Variants in SEC14L1 observed in about 807,000 individuals in gnomAD.
The protein encoded by SEC14L1 is SEC14 like lipid binding 1, also known as SEC14-like protein 1.
In SEC14L1, 48 loss-of-function variants were observed where a neutral mutation model predicts 85.3. That is an observed-to-expected ratio of 0.56 (90% CI 0.45 to 0.72). The LOEUF (loss-of-function observed/expected upper bound fraction) is 0.72, where lower values mean the gene tolerates loss of function less well. Among genes scored for constraint, SEC14L1 ranks in the 30% least tolerant of loss-of-function variants. SEC14L1 has a pLI of 0.00. For synonymous variants in SEC14L1, 391 were observed against 355.5 expected, an observed-to-expected ratio of 1.10 and a Z score of -1.12; for missense variants, 682 against 921.4, an observed-to-expected ratio of 0.74 and a Z score of 3.36.
chr17:77,152,039 G>A (rs184814908), intron 3 of SEC14L1, among the ~76,000 whole-genome samples: 3 of 152,182 alleles, frequency 2.0e-5, no homozygotes, highest in South Asian at 2.1e-4. Context: ...GTAGTGGCAC[G>A]ATTATAGCTC....
intron 3 of SEC14L1, among the ~76,000 whole-genome samples, chr17:77,128,388 GCATTTTATTTTATTTTATTTTATTT>G (rs1972511291): frequency 6.9e-6 from 1 of 145,584 alleles, no homozygotes; most frequent in African/African-American, 2.5e-5. Flanking sequence ...TCACACTTGA[GCATTTTATTTTATTTTATTTTATTT>G]TATTTTATTT....
intron 3 of SEC14L1, among the ~76,000 whole-genome samples, chr17:77,172,392 C>T (rs1160479630): frequency 1.3e-5 from 2 of 152,094 alleles, no homozygotes; most frequent in African/African-American, 4.8e-5. Context: ...GCCCTTTTCC[C>T]TCTCTACTTT....
At chr17:77,152,168 TC>T (rs763351711) in intron 3 of SEC14L1, among the ~76,000 whole-genome samples, 1 of 152,088 alleles carries the variant, frequency 6.6e-6, no homozygotes, top group Non-Finnish European at 1.5e-5. Flanking sequence ...GAAATTATAT[TC>T]CTGTTGCTTA....
chr17:77,133,425 T>C (rs1215312455), intron 3 of SEC14L1, among the ~76,000 whole-genome samples: 1 of 152,236 alleles, frequency 6.6e-6, no homozygotes, highest in Admixed American at 6.5e-5. Context: ...CACTGCGTCC[T>C]GAGGTCAGCT....
intron 3 of SEC14L1, among the ~76,000 whole-genome samples, chr17:77,176,888 A>G (rs1322177392): frequency 1.3e-5 from 2 of 152,084 alleles, no homozygotes; most frequent in Non-Finnish European, 2.9e-5. Context: ...CACCTGGCCA[A>G]TTATGTTATT....
intron 3 of SEC14L1, among the ~76,000 whole-genome samples, chr17:77,158,245 AG>A (rs1208708920): frequency 6.6e-6 from 1 of 152,230 alleles, no homozygotes; most frequent in African/African-American, 2.4e-5. Flanking sequence ...ATCGTTGTGC[AG>A]CCACCACCAC....
chr17:77,102,859 T>G (rs1455194887), intron 3 of SEC14L1, among the ~76,000 whole-genome samples: 1 of 152,094 alleles, frequency 6.6e-6, no homozygotes, highest in Non-Finnish European at 1.5e-5. Flanking sequence ...TGGAGTACAG[T>G]GGTGTGATCA....
intron 3 of SEC14L1, among the ~76,000 whole-genome samples, chr17:77,157,397 C>CA (rs1466999497): frequency 6.6e-6 from 1 of 152,228 alleles, no homozygotes; most frequent in African/African-American, 2.4e-5. Context: ...GTGAGTCCCG[C>CA]AGTCTGTGGC....
chr17:77,128,433 T>A (rs62078285), intron 3 of SEC14L1, among the ~76,000 whole-genome samples: 72 of 31,936 alleles, frequency 2.3e-3, no homozygotes, highest in African/African-American at 3.3e-3. Context: ...TTATTTTATT[T>A]TATTTTATTT....
chr17:77,114,100 G>A (rs1313808282), intron 3 of SEC14L1, among the ~76,000 whole-genome samples: 1 of 152,174 alleles, frequency 6.6e-6, no homozygotes, highest in Non-Finnish European at 1.5e-5. Flanking sequence ...TGAAGGAGGT[G>A]TGGGTGTCAG....
chr17:77,179,577 C>T (rs977091964), intron 3 of SEC14L1, among the ~76,000 whole-genome samples: 4 of 152,182 alleles, frequency 2.6e-5, no homozygotes, highest in African/African-American at 7.2e-5. Context: ...AGTGTATCAT[C>T]AGAACCATGG....
chr17:77,141,468 T>A (rs1973039452), intron 1 of SEC14L1: 1 of 150,710 alleles, frequency 6.6e-6, no homozygotes, highest in South Asian at 2.1e-4. Flanking sequence ...CCCGTGGGGC[T>A]CAGCCGCGCG....
At chr17:77,157,653 G>C (rs1973869729) in intron 3 of SEC14L1, among the ~76,000 whole-genome samples, 1 of 151,814 alleles carries the variant, frequency 6.6e-6, no homozygotes, top group Non-Finnish European at 1.5e-5. Flanking sequence ...TCAGCCTCCT[G>C]AGTAGCTGGG....
intron 3 of SEC14L1, among the ~76,000 whole-genome samples, chr17:77,154,149 T>C (rs946361539): frequency 3.9e-5 from 6 of 152,206 alleles, no homozygotes; most frequent in South Asian, 2.1e-4. Flanking sequence ...TTGTATTTGG[T>C]ATTATAAGTA....
chr17:77,121,444 T>G (rs940017804), intron 3 of SEC14L1, among the ~76,000 whole-genome samples: 4 of 152,134 alleles, frequency 2.6e-5, no homozygotes, highest in South Asian at 2.1e-4. Context: ...CTGTAACCTC[T>G]GCCTCCCAGG....
intron 3 of SEC14L1, among the ~76,000 whole-genome samples, chr17:77,190,418 A>G (rs1475201223): frequency 6.6e-6 from 1 of 152,208 alleles, no homozygotes; most frequent in Non-Finnish European, 1.5e-5. Flanking sequence ...TACTGTAGTT[A>G]TAGAGTAAGC....
At chr17:77,182,762 A>G (rs544210149) in intron 3 of SEC14L1, among the ~76,000 whole-genome samples, 5 of 152,340 alleles carry the variant, frequency 3.3e-5, no homozygotes, top group East Asian at 3.9e-4. Context: ...GAGTTGAAAA[A>G]GGGGTTCTTC....
At chr17:77,150,937 G>C (rs986302870) in intron 3 of SEC14L1, among the ~76,000 whole-genome samples, 2 of 152,062 alleles carry the variant, frequency 1.3e-5, no homozygotes, top group African/African-American at 4.8e-5. Flanking sequence ...TCAGTCCATC[G>C]TTCATCTTCT....
intron 3 of SEC14L1, among the ~76,000 whole-genome samples, chr17:77,116,926 G>C (rs1243356487): frequency 6.6e-6 from 1 of 152,176 alleles, no homozygotes. Flanking sequence ...CATGATTCCA[G>C]GCGGACACCC....
Sources: allele counts gnomAD v4.1 joint callset (sites outside exome capture counted in the v4.1 genomes callset), GRCh38; gene constraint gnomAD v4.1.1; transcripts MANE v1.5; gene names NCBI Gene and HGNC (gene_info 2026-07-23, HGNC 2026-07-21).